The following RARB variants were observed in gnomAD, a reference collection of about 807,000 sequenced individuals.
RARB encodes the protein retinoic acid receptor beta.
In RARB, 17 loss-of-function variants were observed where a neutral mutation model predicts 51.9. That is an observed-to-expected ratio of 0.33 (90% CI 0.22 to 0.49). The LOEUF is 0.49. RARB is among the 20% of genes least tolerant of loss of function. The pLI, the probability that RARB is intolerant of heterozygous loss-of-function variation, is 0.99. For missense variants in RARB, 369 were observed against 550.8 expected (o/e 0.67, Z 3.30); for synonymous variants, 215 against 195.4 (o/e 1.10, Z -0.84).
intron 5 of RARB, among the ~76,000 whole-genome samples, chr3:25,290,430 G>C (rs1232729012): frequency 2.0e-5 from 3 of 152,084 alleles, no homozygotes; most frequent in Non-Finnish European, 4.4e-5. Flanking sequence ...CTAGCCTCCA[G>C]AACCATGAGA....
intron 1 of RARB, among the ~76,000 whole-genome samples, chr3:25,451,597 G>A (rs1443636616): frequency 6.6e-6 from 1 of 152,192 alleles, no homozygotes. Context: ...GAAAAAGAGG[G>A]TTTTGGCTAA....
intron 5 of RARB, among the ~76,000 whole-genome samples, chr3:25,301,840 T>C (rs147407831): frequency 1.2e-3 from 176 of 152,300 alleles, no homozygotes; most frequent in African/African-American, 4.0e-3. Context: ...TGCCAGACCA[T>C]TGGTGTCAGC....
At chr3:25,056,095 C>A (rs1040404059) in intron 2 of RARB, among the ~76,000 whole-genome samples, 2 of 152,074 alleles carry the variant, frequency 1.3e-5, no homozygotes, top group South Asian at 4.1e-4. Context: ...GTTTCAAAGC[C>A]CAATGTGCAG....
At chr3:24,937,599 G>A (rs1411624122) in intron 2 of RARB, among the ~76,000 whole-genome samples, 2 of 152,052 alleles carry the variant, frequency 1.3e-5, no homozygotes, top group African/African-American at 4.8e-5. Context: ...AGTAGCGTGC[G>A]ATACGGGAAA....
chr3:25,580,835 A>C, intron 5 of RARB, 113 bp downstream of exon 5: 2 of 1,171,008 alleles, frequency 1.7e-6, no homozygotes, highest in South Asian at 1.9e-5. Context: ...TTGAGTTTCG[A>C]CTCTAGCACT....
chr3:25,460,371 T>G (rs1185638323), intron 1 of RARB, among the ~76,000 whole-genome samples: 1 of 152,142 alleles, frequency 6.6e-6, no homozygotes, highest in African/African-American at 2.4e-5. Flanking sequence ...CCCAGTACAC[T>G]TGTTGAATGA....
intron 3 of RARB, among the ~76,000 whole-genome samples, chr3:25,565,467 G>C (rs1031124172): frequency 6.6e-6 from 1 of 152,088 alleles, no homozygotes; most frequent in Non-Finnish European, 1.5e-5. Context: ...TACTGTCACT[G>C]TTTTATTGTA....
chr3:25,330,443 C>A (rs1278267710), intron 5 of RARB, among the ~76,000 whole-genome samples: 6 of 151,702 alleles, frequency 4.0e-5, no homozygotes, highest in African/African-American at 9.7e-5. Flanking sequence ...GAAATAAAAT[C>A]CTTTACAGAC....
chr3:24,944,668 A>G (rs17015509), intron 2 of RARB, among the ~76,000 whole-genome samples: 4,281 of 152,226 alleles, frequency 0.028, 182 homozygotes, highest in African/African-American at 0.089. Flanking sequence ...TTGGGTCTCT[A>G]TATATTCTTG....
At chr3:24,941,225 G>A (rs1695659708) in intron 2 of RARB, among the ~76,000 whole-genome samples, 1 of 151,638 alleles carries the variant, frequency 6.6e-6, no homozygotes. Context: ...TGATTATTAG[G>A]GAAATGGGGC....
rs534698450 is a variant in RARB at position 25,194,399 on chromosome 3, A to C, written c.178+19824A>C. On this transcript the variant is annotated intron_variant, in intron 5 of 11. Transcript: ENST00000383772. ...GTGCTTTTACCATATGCACATACACAAAAAGGTATCTATGGAAGGTGATGG... is the reference window on the plus strand; with the variant it reads ...GTGCTTTTACCATATGCACATACACCAAAAGGTATCTATGGAAGGTGATGG... Among the ~76,000 whole-genome samples the C allele has an allele frequency of 3.3e-5, 5 of 151,764 alleles. No homozygotes were observed. The East Asian group carries it at 9.7e-4, about 30-fold the overall frequency.
At chr3:25,239,968 T>C (rs191335953) in intron 5 of RARB, among the ~76,000 whole-genome samples, 172 of 152,246 alleles carry the variant, frequency 1.1e-3, no homozygotes, top group Non-Finnish European at 1.8e-3. Context: ...GTTTCTTTCA[T>C]CAGTGTTTGG....
chr3:25,492,641 A>T (rs901290160), intron 2 of RARB, among the ~76,000 whole-genome samples: 1 of 152,140 alleles, frequency 6.6e-6, no homozygotes, highest in Non-Finnish European at 1.5e-5. Flanking sequence ...ATCCAGGAAA[A>T]TGCTGTAATC....
At chr3:25,443,334 T>A (rs997509302) in intron 1 of RARB, among the ~76,000 whole-genome samples, 4 of 152,128 alleles carry the variant, frequency 2.6e-5, no homozygotes, top group African/African-American at 9.7e-5. Context: ...CTACTGGCAC[T>A]TACTTTGAGG....
chr3:25,218,535 G>A (rs1333973565), intron 5 of RARB, among the ~76,000 whole-genome samples: 1 of 152,212 alleles, frequency 6.6e-6, no homozygotes, highest in East Asian at 1.9e-4. Flanking sequence ...ACCAGAAGAA[G>A]TGAGGCCAAC....
At chr3:25,420,136 T>C (rs1453466377) in intron 5 of RARB, among the ~76,000 whole-genome samples, 1 of 152,162 alleles carries the variant, frequency 6.6e-6, no homozygotes, top group Non-Finnish European at 1.5e-5. Context: ...TTTATGCATA[T>C]CTTTGTTTCT....
chr3:24,908,670 T>G (rs890887520), intron 2 of RARB, among the ~76,000 whole-genome samples: 9 of 132,660 alleles, frequency 6.8e-5, no homozygotes, highest in South Asian at 2.7e-4. Context: ...ACTGTTTTTT[T>G]TTTTTTTTTT....
rs190811243 is a variant in RARB at position 25,441,012 on chromosome 3, A to G, written c.157+12124A>G. 9.8e-5 allele frequency among the ~76,000 whole-genome samples: 14 copies of G among 143,034 alleles called. 1 individual carries two copies. Among genetic ancestry groups the G allele is most frequent in the African/African-American group, 3.6e-4 (14 of 38,582 alleles). The allele number at this position is 143,034 out of a possible 152,430, so 93.8% of individuals were successfully genotyped here. The stretch of plus-strand genomic sequence containing the variant: ...TTTTTCCACTTGCAATCATATACCT[A>G]GGTACCTTTTGACTGCATTAGAAAA... On this transcript the variant is annotated intron_variant, in intron 1 of 7. Coordinates refer to ENST00000330688, the MANE Select transcript of RARB (RefSeq NM_000965.5).
chr3:24,861,670 C>T (rs1702750935), intron 2 of RARB, among the ~76,000 whole-genome samples: 1 of 151,042 alleles, frequency 6.6e-6, no homozygotes, highest in Non-Finnish European at 1.5e-5. Context: ...CCCCACAGTT[C>T]TGTAGGTCTT....
Sources: allele counts gnomAD v4.1 joint callset (sites outside exome capture counted in the v4.1 genomes callset), GRCh38; gene constraint gnomAD v4.1.1; transcripts MANE v1.5; gene names NCBI Gene and HGNC (gene_info 2026-07-23, HGNC 2026-07-21).